MTMR7: variants seen among roughly 807,000 people sequenced by gnomAD.
MTMR7 encodes the protein phosphatidylinositol-3-phosphate phosphatase MTMR7.
In MTMR7, 76 loss-of-function variants were observed where a neutral mutation model predicts 81.2. The ratio of observed to expected loss-of-function variants is 0.94; its 90% CI spans 0.78 to 1.13. The LOEUF is 1.13. Ranked by LOEUF, MTMR7 falls within the 50% of genes most tolerant of loss-of-function variation. The pLI is 0.00. For missense variants in MTMR7, 1,044 were observed against 820.0 expected (o/e 1.27, Z -3.34); for synonymous variants, 372 against 289.8 (o/e 1.28, Z -2.88).
At chr8:17,383,593 T>C (rs182056557) in intron 1 of MTMR7, among the ~76,000 whole-genome samples, 2 of 152,332 alleles carry the variant, frequency 1.3e-5, no homozygotes, top group East Asian at 1.9e-4. Flanking sequence ...AGGAAAAACA[T>C]CCTGGCTCAA....
chr8:17,300,284 A>G (rs1381186280), intron 13 of MTMR7, 60 bp from the exon 14 acceptor site: 2 of 1,504,704 alleles, frequency 1.3e-6, no homozygotes, highest in Non-Finnish European at 1.8e-6. Flanking sequence ...TTTTCTATAT[A>G]TGCATGTCTT....
At chr8:17,370,323 C>T (rs1246071859) in intron 3 of MTMR7, among the ~76,000 whole-genome samples, 2 of 151,846 alleles carry the variant, frequency 1.3e-5, no homozygotes, top group Non-Finnish European at 2.9e-5. Context: ...GAGTTCAAGA[C>T]CAGCCTGGCC....
chr8:17,342,788 T>G (rs544660393), intron 5 of MTMR7, among the ~76,000 whole-genome samples: 50 of 151,684 alleles, frequency 3.3e-4, no homozygotes, highest in African/African-American at 1.1e-3. Context: ...GGTGTGGGCG[T>G]GGGAAGCAAA....
At chr8:17,398,932 G>T (rs950383117) in intron 1 of MTMR7, among the ~76,000 whole-genome samples, 1 of 152,110 alleles carries the variant, frequency 6.6e-6, no homozygotes, top group Non-Finnish European at 1.5e-5. Flanking sequence ...GATAGTATTT[G>T]CAAGCCTCTG....
intron 2 of MTMR7, 37 bp from the exon 3 acceptor site, chr8:17,371,236 A>T (rs1424393396): frequency 6.3e-7 from 1 of 1,598,010 alleles, no homozygotes; most frequent in African/African-American, 1.3e-5. Context: ...GCTAAGCACA[A>T]ATAACTAATG....
chr8:17,326,727 G>C (rs1248941325), intron 7 of MTMR7, among the ~76,000 whole-genome samples: 11 of 152,190 alleles, frequency 7.2e-5, no homozygotes, highest in Admixed American at 7.2e-4. Flanking sequence ...TAAGTGCTTG[G>C]AAGTAGGTTC....
intron 3 of MTMR7, among the ~76,000 whole-genome samples, chr8:17,363,662 C>T (rs1820124552): frequency 6.6e-6 from 1 of 151,990 alleles, no homozygotes; most frequent in South Asian, 2.1e-4. Flanking sequence ...AAATTGTACA[C>T]GAGGGCCAGG....
At chr8:17,388,039 A>G (rs1043928019) in intron 1 of MTMR7, among the ~76,000 whole-genome samples, 4 of 152,240 alleles carry the variant, frequency 2.6e-5, no homozygotes, top group Non-Finnish European at 5.9e-5. Flanking sequence ...AGTGATAGAA[A>G]TTCTTAGAAA....
chr8:17,386,447 A>G (rs904637276), intron 1 of MTMR7, among the ~76,000 whole-genome samples: 4 of 152,220 alleles, frequency 2.6e-5, no homozygotes, highest in African/African-American at 7.2e-5. Flanking sequence ...TCTATCTCCT[A>G]GGACTCTTAT....
At chr8:17,410,000 C>T (rs982223016) in intron 1 of MTMR7, among the ~76,000 whole-genome samples, 5 of 152,102 alleles carry the variant, frequency 3.3e-5, no homozygotes, top group African/African-American at 7.2e-5. Context: ...AAGGGCCTTA[C>T]GAGCAGTTCT....
At chr8:17,334,725 G>A (rs536803308) in intron 6 of MTMR7, among the ~76,000 whole-genome samples, 2 of 152,354 alleles carry the variant, frequency 1.3e-5, no homozygotes, top group Non-Finnish European at 2.9e-5. Context: ...GAAAGCACAT[G>A]GCACCCAGTG....
intron 1 of MTMR7, among the ~76,000 whole-genome samples, chr8:17,390,875 A>G (rs1186285597): frequency 1.3e-5 from 2 of 152,198 alleles, no homozygotes; most frequent in East Asian, 3.9e-4. Flanking sequence ...ACCTCCCGTG[A>G]GGTCCCTCCC....
intron 1 of MTMR7, among the ~76,000 whole-genome samples, chr8:17,394,400 G>C (rs534441669): frequency 1.3e-5 from 2 of 152,180 alleles, no homozygotes; most frequent in Non-Finnish European, 2.9e-5. Flanking sequence ...CTACAACACG[G>C]ATGAACCTTG....
rs1818983775 is a variant in MTMR7, at chr8:17,331,231, T to G, written c.784A>C (p.Asn262His). Residue 262 changes from asparagine to histidine, a missense_variant, in exon 7 of 14, where the codon AAT becomes CAT. By Grantham distance (68) the Asn-to-His change is moderately conservative. Transcript: ENST00000180173. ...AACTGAAACTTGATATTGGAATAAT[T>G]GTCTTCATTCTCATAGCCTTTCCCT... ...AAGKGYENED[N>H]YSNIKFQFIG... is the part of the protein sequence containing the mutation. 1.2e-6 allele frequency: 2 copies of G among 1,612,516 alleles called. No individual in the cohort carries two copies. The highest frequency in any genetic ancestry group is 1.3e-5 in the African/African-American group (1 of 74,868).
At position 17,372,609 on chromosome 8, in the gene MTMR7, A is replaced by T. The variant is rs184214794; in HGVS notation, c.147+509T>A. Among the ~76,000 whole-genome samples, 492 of 151,972 alleles carry T rather than the reference A, an allele frequency of 3.2e-3. 1 individual carries two copies. The highest frequency in any genetic ancestry group is 6.9e-3 in the Middle Eastern group (2 of 290). On this transcript the variant is annotated intron_variant, in intron 2 of 13. Transcript: ENST00000180173. ...TCTCAAAAATAATATTAATAATAAT[A>T]ATTATTATTATTTAGTGATGTTCAA...
At chr8:17,320,793 G>A (rs1166238510) in intron 7 of MTMR7, among the ~76,000 whole-genome samples, 3 of 152,118 alleles carry the variant, frequency 2.0e-5, no homozygotes, top group East Asian at 1.9e-4. Context: ...CCTGAAACAC[G>A]GCCCAGTGGA....
In MTMR7 at chr8:17,371,025, C is replaced by G; in HGVS notation, c.310+12G>C. ...GAGGTTCCATATTAAATGCCGAGTT[C>G]CTCTGCCCTACCTGGCCTTGCAAGG... is the stretch of plus-strand genomic sequence containing the variant. On this transcript the variant is annotated intron_variant, in intron 3 of 13. Coordinates refer to ENST00000180173, the MANE Select transcript of MTMR7 (RefSeq NM_004686.5). 1 of 1,605,706 alleles carries G rather than the reference C, an allele frequency of 6.2e-7. No homozygotes were observed. Among genetic ancestry groups the G allele is most frequent in the Non-Finnish European group, 8.5e-7 (1 of 1,176,374 alleles).
In MTMR7 at chr8:17,297,318, T is replaced by TGAAA. The variant is rs1465786254; in HGVS notation, c.*2540_*2543dup. ...AAACTAAACAGACCCACTTCAAAGT[T>TGAAA]GAAAGAAATTTCTAGGCATAAATTG... is the stretch of plus-strand genomic sequence containing the variant. On this transcript the variant is annotated 3_prime_UTR_variant, in exon 14 of 14. Transcript: ENST00000180173. 2.0e-5 allele frequency: 3 copies of TGAAA among 152,032 alleles called. No individual in the cohort carries two copies. Among genetic ancestry groups the TGAAA allele is most frequent in the African/African-American group, 4.8e-5 (2 of 41,440 alleles). 9.4% of individuals were successfully genotyped at this position (152,032 alleles called of 1,614,324 possible). A position where few individuals can be genotyped will look rare whatever the true frequency, so the allele number is the denominator to read the frequency against.
chr8:17,347,668 T>C (rs990307339), intron 5 of MTMR7, among the ~76,000 whole-genome samples: 1 of 152,188 alleles, frequency 6.6e-6, no homozygotes, highest in African/African-American at 2.4e-5. Context: ...TTTTTAAAGG[T>C]GGTTTTTTGC....
Sources: gnomAD v4.1 joint callset for allele counts (sites outside exome capture counted in the v4.1 genomes callset) on GRCh38, gnomAD v4.1.1 for gene constraint, MANE v1.5 for transcripts, NCBI Gene and HGNC (gene_info 2026-07-23, HGNC 2026-07-21) for gene names.